Variants in MIB1 observed in about 807,000 individuals in gnomAD.
The protein encoded by MIB1 is MIB E3 ubiquitin protein ligase 1.
MIB1 carries 278 observed loss-of-function variants against 124.5 expected under a neutral mutation model. The ratio of observed to expected loss-of-function variants is 2.23; its 90% CI spans 2.02 to 2.47. MIB1 has a LOEUF of 2.47. Among genes scored for constraint, MIB1 ranks in the 30% most tolerant of loss-of-function variants. The pLI, the probability that MIB1 is intolerant of heterozygous loss-of-function variation, is 0.00. For synonymous variants in MIB1, 446 were observed against 429.4 expected, an observed-to-expected ratio of 1.04 and a Z score of -0.48; for missense variants, 957 against 1,254.4, an observed-to-expected ratio of 0.76 and a Z score of 3.58.
At chr18:21,818,429 G>T (rs1243402263) in intron 11 of MIB1, among the ~76,000 whole-genome samples, 1 of 152,134 alleles carries the variant, frequency 6.6e-6, no homozygotes, top group African/African-American at 2.4e-5. Context: ...ATAAAATTTG[G>T]GGGGCAGCTT....
intron 1 of MIB1, among the ~76,000 whole-genome samples, chr18:21,733,441 T>TA (rs772089644): frequency 8.5e-5 from 13 of 152,172 alleles, no homozygotes; most frequent in Non-Finnish European, 5.9e-5. Flanking sequence ...TATATTCTTT[T>TA]AAACAGACTG....
intron 1 of MIB1, among the ~76,000 whole-genome samples, chr18:21,749,990 C>T (rs1460503004): frequency 6.6e-6 from 1 of 151,648 alleles, no homozygotes; most frequent in Admixed American, 6.6e-5. Flanking sequence ...TTTTTTTTAA[C>T]CAGTGAGTTA....
rs745864105 is a variant in MIB1 at position 21,819,547 on chromosome 18, ATATCC to A, written c.1733_1737del (p.Ile578SerfsTer16). The A allele has an allele frequency of 3.7e-6, 6 of 1,610,790 alleles. No individual in the cohort carries two copies. In the South Asian group the frequency reaches 6.6e-5, roughly 18 times the overall value. On this transcript the variant is annotated frameshift_variant, in exon 12 of 21. Coordinates refer to ENST00000261537, the MANE Select transcript of MIB1 (RefSeq NM_020774.4). LOFTEE classifies it high-confidence loss of function. ...GATGCAATAAGTAAGAAACGTGATG[ATATCC>A]TAGCAGTTCTTTTGGAAGCTGGAGC...
At chr18:21,750,740 AGGCGTGAGCCACTGCGCCC>A (rs1162440834) in intron 1 of MIB1, among the ~76,000 whole-genome samples, 5 of 152,172 alleles carry the variant, frequency 3.3e-5, no homozygotes, top group Admixed American at 2.6e-4. Flanking sequence ...CTGCGATTAC[AGGCGTGAGCCACTGCGCCC>A]GGCCATCTCC....
At chr18:21,845,942 A>T (rs2042131017) in intron 15 of MIB1, among the ~76,000 whole-genome samples, 1 of 152,048 alleles carries the variant, frequency 6.6e-6, no homozygotes, top group Admixed American at 6.6e-5. Flanking sequence ...TTCTTTTTCT[A>T]CTGAATTGCC....
chr18:21,741,281 AG>A lies in MIB1; in HGVS notation c.-301del, dbSNP rs2040846419. On this transcript the variant is annotated 5_prime_UTR_variant, in exon 1 of 21. Transcript: ENST00000261537. The surrounding 1 kb of genome is among the most constrained non-coding windows in gnomAD (Gnocchi z 5.4). ...GCTGTAGCCTGGCCGGGGAGCCCGG[AG>A]GAAGCGGGAGAGTCCCCGCCCACGG... is the stretch of plus-strand genomic sequence containing the variant. The A allele has an allele frequency of 6.3e-6, 1 of 157,862 alleles. No individual in the cohort carries two copies. Among genetic ancestry groups the A allele is most frequent in the South Asian group, 2.0e-4 (1 of 4,884 alleles). The allele number at this position is 157,862 out of a possible 1,614,324, so 9.8% of individuals were successfully genotyped here. A position where few individuals can be genotyped will look rare whatever the true frequency, so the allele number is the denominator to read the frequency against.
intron 1 of MIB1, among the ~76,000 whole-genome samples, chr18:21,712,927 A>G (rs776024778): frequency 2.0e-5 from 3 of 151,988 alleles, no homozygotes; most frequent in Non-Finnish European, 1.5e-5. Context: ...TTGCCCACCA[A>G]TGTATCTATT....
intron 2 of MIB1, among the ~76,000 whole-genome samples, chr18:21,767,096 T>C (rs2041170194): frequency 6.6e-6 from 1 of 152,202 alleles, no homozygotes; most frequent in Non-Finnish European, 1.5e-5. Flanking sequence ...CAGGTTAGTG[T>C]AGGTAAAATC....
At chr18:21,707,157 T>G (rs2040642474) in intron 1 of MIB1, among the ~76,000 whole-genome samples, 1 of 152,140 alleles carries the variant, frequency 6.6e-6, no homozygotes, top group South Asian at 2.1e-4. Context: ...AATACACCAG[T>G]CAGCACTCTG....
At chr18:21,848,520 T>C (rs1042922621) in intron 16 of MIB1, among the ~76,000 whole-genome samples, 7 of 152,166 alleles carry the variant, frequency 4.6e-5, no homozygotes, top group Non-Finnish European at 8.8e-5. Flanking sequence ...TTTTAAACAA[T>C]GGAGTCTAAG....
chr18:21,803,757 T>C, intron 9 of MIB1, 150 bp from the exon 10 acceptor site: 1 of 502,584 alleles, frequency 2.0e-6, no homozygotes, highest in Non-Finnish European at 3.5e-6. Context: ...AAGAAGTCTG[T>C]AGTTATCTGA....
chr18:21,842,151 A>G (rs972670783), intron 13 of MIB1, among the ~76,000 whole-genome samples: 4 of 149,598 alleles, frequency 2.7e-5, no homozygotes, highest in East Asian at 2.0e-4. Flanking sequence ...GTACCTTCTG[A>G]CCACACTTCA....
In MIB1 at chr18:21,865,169, A is replaced by G. The variant is rs2042311019; in HGVS notation, c.*503A>G. The G allele has an allele frequency of 6.6e-6, 1 of 152,266 alleles. No individual in the cohort carries two copies. Among genetic ancestry groups the G allele is most frequent in the African/African-American group, 2.4e-5 (1 of 41,464 alleles). 9.4% of individuals were successfully genotyped at this position (152,266 alleles called of 1,614,324 possible). ...ACAAGTTCCAGATAGTTAAGGGAAT[A>G]CCGAAGGGATGATTCTTTTTTTAAG... On this transcript the variant is annotated 3_prime_UTR_variant, in exon 21 of 21. Transcript: ENST00000261537.
rs1049455949 is a variant in MIB1, at chr18:21,834,328, A to G, written c.1830-4037A>G. 3.9e-5 allele frequency among the ~76,000 whole-genome samples: 6 copies of G among 152,006 alleles called. No individual in the cohort carries two copies. The East Asian group carries it at 1.2e-3, about 29-fold the overall frequency. On this transcript the variant is annotated intron_variant, in intron 12 of 20. Coordinates refer to ENST00000261537, the MANE Select transcript of MIB1 (RefSeq NM_020774.4). ...ATTATTTTTTTTTGAGGGGGTTGGCAATTTTTGATTAAGATGAGAGGGCTG... is the reference window on the plus strand; with the variant it reads ...ATTATTTTTTTTTGAGGGGGTTGGCGATTTTTGATTAAGATGAGAGGGCTG...
intron 2 of MIB1, among the ~76,000 whole-genome samples, chr18:21,768,158 G>A (rs1222426168): frequency 5.9e-5 from 9 of 152,132 alleles, no homozygotes; most frequent in African/African-American, 2.2e-4. Context: ...AAGCTATAGC[G>A]ATTTGAGTTT....
intron 6 of MIB1, among the ~76,000 whole-genome samples, chr18:21,787,714 C>T (rs1055611809): frequency 8.0e-5 from 12 of 149,446 alleles, no homozygotes; most frequent in Non-Finnish European, 1.8e-4. Context: ...CAGCTTCAGA[C>T]TTGAGTTCTG....
chr18:21,795,150 A>T (rs2041558431), intron 7 of MIB1, among the ~76,000 whole-genome samples: 1 of 151,106 alleles, frequency 6.6e-6, no homozygotes, highest in East Asian at 1.9e-4. Flanking sequence ...TTTGCCTTTT[A>T]GTTGTATTAA....
intron 9 of MIB1, 150 bp downstream of exon 9, chr18:21,800,124 A>G (rs977357323): frequency 7.1e-6 from 4 of 561,968 alleles, no homozygotes; most frequent in Non-Finnish European, 1.2e-5. Context: ...GACATCAGAC[A>G]TTCTTCAGTG....
chr18:21,730,055 A>G (rs2040761283), intron 1 of MIB1, among the ~76,000 whole-genome samples: 1 of 152,222 alleles, frequency 6.6e-6, no homozygotes, highest in Non-Finnish European at 1.5e-5. Flanking sequence ...CTAGCCATCT[A>G]TGCCAGCGTG....
Sources: allele counts gnomAD v4.1 joint callset (sites outside exome capture counted in the v4.1 genomes callset), GRCh38; gene constraint gnomAD v4.1.1; non-coding constraint Gnocchi (gnomAD v3.1); transcripts MANE v1.5; gene names NCBI Gene and HGNC (gene_info 2026-07-23, HGNC 2026-07-21).